Variants in PPEF2 observed in about 807,000 individuals in gnomAD.
The protein encoded by PPEF2 is serine/threonine-protein phosphatase with EF-hands 2.
Under a neutral mutation model 84.7 loss-of-function variants are expected in PPEF2, and 84 were observed. That is an observed-to-expected ratio of 0.99 (90% CI 0.83 to 1.19). The LOEUF (loss-of-function observed/expected upper bound fraction) is 1.19. Ranked by LOEUF, PPEF2 falls within the 50% of genes most tolerant of loss-of-function variation. The probability of loss-of-function intolerance (pLI) is 0.00; values close to 1 mark genes in which losing one functional copy is unlikely to be tolerated. For synonymous variants in PPEF2, 346 were observed against 345.2 expected, an observed-to-expected ratio of 1.00 and a Z score of -0.03; for missense variants, 924 against 937.5, an observed-to-expected ratio of 0.99 and a Z score of 0.19.
intron 12 of PPEF2, 35 bp from the exon 13 acceptor site, chr4:75,872,202 T>C: frequency 6.3e-7 from 1 of 1,599,004 alleles, no homozygotes; most frequent in South Asian, 1.1e-5. Flanking sequence ...GGTGTTCACA[T>C]TCACTGAAGA....
chr4:75,878,074 C>T (rs866286630), intron 10 of PPEF2, among the ~76,000 whole-genome samples: 1 of 152,182 alleles, frequency 6.6e-6, no homozygotes, highest in Non-Finnish European at 1.5e-5. Flanking sequence ...GAGGAGGCAG[C>T]ACTTAATGGT....
At chr4:75,895,884 T>A (rs557851997) in intron 2 of PPEF2, among the ~76,000 whole-genome samples, 14 of 150,554 alleles carry the variant, frequency 9.3e-5, no homozygotes, top group South Asian at 4.2e-4. Flanking sequence ...CCTATTGTTT[T>A]AAAAAAAAAA....
intron 12 of PPEF2, among the ~76,000 whole-genome samples, chr4:75,872,736 A>G (rs1240254901): frequency 6.6e-6 from 1 of 152,184 alleles, no homozygotes; most frequent in East Asian, 1.9e-4. Flanking sequence ...AGGTGAGACA[A>G]ATATTGTAGG....
intron 7 of PPEF2, 160 bp from the exon 8 acceptor site, chr4:75,884,920 CTT>C: frequency 1.6e-6 from 1 of 614,396 alleles, no homozygotes; most frequent in Non-Finnish European, 2.8e-6. Flanking sequence ...ATGGAAGTAT[CTT>C]CTATTGGTCT....
intron 1 of PPEF2, among the ~76,000 whole-genome samples, chr4:75,901,060 A>C (rs1454954795): frequency 1.3e-5 from 2 of 152,254 alleles, no homozygotes; most frequent in Non-Finnish European, 2.9e-5. Flanking sequence ...ATATACTTCT[A>C]TTACAGCTTT....
At chr4:75,900,330 C>T (rs2149232362) in intron 1 of PPEF2, among the ~76,000 whole-genome samples, 1 of 152,126 alleles carries the variant, frequency 6.6e-6, no homozygotes, top group African/African-American at 2.4e-5. Flanking sequence ...TATAGCATTG[C>T]CTAGAGTAAG....
chr4:75,901,240 G>A (rs1374763584), intron 1 of PPEF2, among the ~76,000 whole-genome samples: 1 of 152,190 alleles, frequency 6.6e-6, no homozygotes. Context: ...AAATGGCTGG[G>A]TGCCGTGGCT....
At chr4:75,885,730 G>T (rs1724703049) in intron 7 of PPEF2, among the ~76,000 whole-genome samples, 1 of 152,050 alleles carries the variant, frequency 6.6e-6, no homozygotes, top group Non-Finnish European at 1.5e-5. Flanking sequence ...TCCATCGTAG[G>T]CCAGGCGCGG....
At position 75,896,368 on chromosome 4, in the gene PPEF2, G is replaced by C; in HGVS notation, c.-43C>G. The C allele has an allele frequency of 1.3e-6, 2 of 1,598,882 alleles. No homozygotes were observed. The highest frequency in any genetic ancestry group is 2.2e-5 in the South Asian group (2 of 90,770). ...CCTGCAGGACGCAGCAGATCCAGAG[G>C]ACAGTGAGCTGTTTGCTGACAAAAT... On this transcript the variant is annotated 5_prime_UTR_variant, in exon 2 of 17. Transcript: ENST00000286719.
chr4:75,861,939 A>G (rs1724014855), intron 16 of PPEF2, among the ~76,000 whole-genome samples: 2 of 151,634 alleles, frequency 1.3e-5, no homozygotes, highest in Non-Finnish European at 2.9e-5. Context: ...AAAAAAAGCT[A>G]TAACACCAAA....
intron 10 of PPEF2, among the ~76,000 whole-genome samples, chr4:75,879,868 C>G (rs568726638): frequency 6.6e-6 from 1 of 151,208 alleles, no homozygotes; most frequent in African/African-American, 2.4e-5. Flanking sequence ...GTCTCACTCT[C>G]ACTTAGGCTG....
chr4:75,865,405 T>A (rs1321465888), intron 15 of PPEF2, among the ~76,000 whole-genome samples: 1 of 151,464 alleles, frequency 6.6e-6, no homozygotes, highest in Middle Eastern at 3.2e-3. Flanking sequence ...ATTTGTTTTT[T>A]TAAACAGAGT....
chr4:75,873,353 T>A lies in PPEF2; in HGVS notation c.1321-41A>T, dbSNP rs779734107. On this transcript the variant is annotated intron_variant, in intron 11 of 16. Transcript: ENST00000286719. The stretch of plus-strand genomic sequence containing the variant: ...GATGATTTCCTTCCCAAAAACTAGA[T>A]ACATATTCATCCACAGTCATTCAAA... 4.6e-6 allele frequency: 7 copies of A among 1,522,212 alleles called. No homozygotes were observed. In the South Asian group the frequency reaches 7.3e-5, roughly 16 times the overall value. The allele number at this position is 1,522,212 out of a possible 1,614,324, so 94.3% of individuals were successfully genotyped here.
intron 10 of PPEF2, among the ~76,000 whole-genome samples, chr4:75,882,444 G>A (rs1724600879): frequency 6.6e-6 from 1 of 152,006 alleles, no homozygotes; most frequent in African/African-American, 2.4e-5. Flanking sequence ...CAGATAACAC[G>A]GCACTGGTTG....
chr4:75,887,009 A>C, intron 6 of PPEF2, 111 bp from the exon 7 acceptor site: 1 of 534,340 alleles, frequency 1.9e-6, no homozygotes, highest in Non-Finnish European at 3.3e-6. Flanking sequence ...AAACCCTACA[A>C]AGTTTTCCAT....
chr4:75,869,976 C>T (rs1241087925), intron 13 of PPEF2, among the ~76,000 whole-genome samples: 13 of 152,196 alleles, frequency 8.5e-5, no homozygotes, highest in African/African-American at 2.7e-4. Context: ...CATTATGCTT[C>T]ATACAGTTGA....
At chr4:75,888,850 C>G (rs1420752210) in intron 5 of PPEF2, among the ~76,000 whole-genome samples, 2 of 152,358 alleles carry the variant, frequency 1.3e-5, no homozygotes, top group East Asian at 3.9e-4. Context: ...AGTCTCTTGA[C>G]TGGTCACCCT....
intron 15 of PPEF2, among the ~76,000 whole-genome samples, chr4:75,865,164 C>T (rs867821596): frequency 3.9e-5 from 6 of 152,072 alleles, no homozygotes; most frequent in Middle Eastern, 3.4e-3. Flanking sequence ...CTCGAACTTC[C>T]GACCTCAGGT....
rs1724895627 is a variant in PPEF2, at chr4:75,891,896, G to A, written c.138C>T (p.Ser46=). Residue 46 remains serine, a synonymous_variant, in exon 3 of 17, where the codon AGC becomes AGT. Transcript: ENST00000286719. Reference sequence around the variant, plus strand: ...CAGCATATTCTATAGACTGGAAGATGCTCCAGGTGCAACGCCGCCTCATCT... The same window carrying A: ...CAGCATATTCTATAGACTGGAAGATACTCCAGGTGCAACGCCGCCTCATCT... ...RLEMRRRCTW[S]IFQSIEYAGQ... is the part of the protein sequence containing the mutation. 6.2e-7 allele frequency: 1 copy of A among 1,613,994 alleles called. No individual in the cohort carries two copies. Among genetic ancestry groups the A allele is most frequent in the Admixed American group, 1.7e-5 (1 of 59,992 alleles).
Sources: allele counts gnomAD v4.1 joint callset (sites outside exome capture counted in the v4.1 genomes callset), GRCh38; gene constraint gnomAD v4.1.1; transcripts MANE v1.5; gene names NCBI Gene and HGNC (gene_info 2026-07-23, HGNC 2026-07-21).